Variants in MRTFB observed in about 807,000 individuals in gnomAD.
MRTFB encodes the protein myocardin related transcription factor B, also known as myocardin-related transcription factor B.
MRTFB carries 29 observed loss-of-function variants against 104.2 expected under a neutral mutation model. That is an observed-to-expected ratio of 0.28 (90% CI 0.21 to 0.38). The LOEUF (loss-of-function observed/expected upper bound fraction) is 0.38, where lower values mean the gene tolerates loss of function less well. MRTFB is among the 10% of genes least tolerant of loss of function. The probability of loss-of-function intolerance (pLI) is 1.00; values close to 1 mark genes in which losing one functional copy is unlikely to be tolerated. For missense variants in MRTFB, 1,270 were observed against 1,341.6 expected, an observed-to-expected ratio of 0.95 and a Z score of 0.83; for synonymous variants, 535 against 519.5, an observed-to-expected ratio of 1.03 and a Z score of -0.41.
the MRTFB span, among the ~76,000 whole-genome samples, chr16:14,048,877 C>T: frequency 3.9e-5 from 6 of 152,318 alleles, no homozygotes; most frequent in South Asian, 1.0e-3. Flanking sequence ...TATGCAGAGC[C>T]AGGCATGTGG....
At chr16:14,200,898 T>C in intron 3 of MRTFB, 1 of 1,451,014 alleles carries the variant, frequency 6.9e-7, no homozygotes, top group East Asian at 2.3e-5. Context: ...GCAGAAAGAA[T>C]TTAACCAGCA....
At position 14,120,546 on chromosome 16, in the gene MRTFB, A is replaced by G. The variant is rs76166067; in HGVS notation, c.-63-19998A>G. Among the ~76,000 whole-genome samples the G allele has an allele frequency of 8.3e-3, 1,267 of 152,328 alleles. 16 individuals are homozygous for G. Among genetic ancestry groups the G allele is most frequent in the African/African-American group, 0.029 (1,222 of 41,576 alleles). On this transcript the variant is annotated intron_variant, in intron 2 of 16. Coordinates refer to ENST00000571589, the MANE Select transcript of MRTFB (RefSeq NM_001308142.2). ...CCAGTGTCACTGATTGCATAGTCTT[A>G]TCTTTTTCCCCACTGATTTGTGATG...
At chr16:14,041,719 G>C in the MRTFB span, among the ~76,000 whole-genome samples, 1 of 152,040 alleles carries the variant, frequency 6.6e-6, no homozygotes, top group East Asian at 1.9e-4. Context: ...CTCATGTCAG[G>C]AGTTTGAGAC....
the MRTFB span, among the ~76,000 whole-genome samples, chr16:14,010,590 C>T: frequency 1.3e-5 from 2 of 152,120 alleles, no homozygotes; most frequent in African/African-American, 4.8e-5. Flanking sequence ...TGCGTGCCAC[C>T]ATGCCTGGCT....
At chr16:14,089,598 A>G (rs1232681383) in intron 2 of MRTFB, among the ~76,000 whole-genome samples, 2 of 152,218 alleles carry the variant, frequency 1.3e-5, no homozygotes, top group African/African-American at 4.8e-5. Context: ...ATTTGCATAT[A>G]AATTTTCTAG....
intron 3 of MRTFB, among the ~76,000 whole-genome samples, chr16:14,145,443 G>A (rs867538285): frequency 3.3e-5 from 5 of 152,130 alleles, no homozygotes; most frequent in Middle Eastern, 3.2e-3. Flanking sequence ...TGAAGTTGAC[G>A]TTTAATGATT....
At chr16:14,136,323 T>C (rs2037717973) in intron 2 of MRTFB, among the ~76,000 whole-genome samples, 1 of 151,780 alleles carries the variant, frequency 6.6e-6, no homozygotes, top group Non-Finnish European at 1.5e-5. Flanking sequence ...TACCTACTTA[T>C]CCTACTTATG....
the MRTFB span, among the ~76,000 whole-genome samples, chr16:14,055,632 G>A: frequency 2.6e-5 from 4 of 152,250 alleles, no homozygotes; most frequent in East Asian, 1.9e-4. Flanking sequence ...ATGATTAGAC[G>A]GAGGTTATGG....
chr16:14,244,037 C>T (rs930346968), intron 10 of MRTFB, among the ~76,000 whole-genome samples: 6 of 152,034 alleles, frequency 3.9e-5, no homozygotes, highest in African/African-American at 1.5e-4. Context: ...GCCACCACGC[C>T]TGGCTAATTT....
chr16:14,150,093 G>A (rs2038537238), intron 3 of MRTFB, among the ~76,000 whole-genome samples: 2 of 152,080 alleles, frequency 1.3e-5, no homozygotes, highest in Non-Finnish European at 2.9e-5. Context: ...CATGATGGAG[G>A]CACCAACTTT....
chr16:14,117,809 A>G (rs1177669632), intron 2 of MRTFB, among the ~76,000 whole-genome samples: 2 of 152,216 alleles, frequency 1.3e-5, no homozygotes, highest in Non-Finnish European at 2.9e-5. Context: ...AAAAAAAGTT[A>G]GAAAATCAGG....
intron 2 of MRTFB, among the ~76,000 whole-genome samples, chr16:14,094,765 G>C (rs1234058456): frequency 6.6e-6 from 1 of 152,178 alleles, no homozygotes; most frequent in South Asian, 2.1e-4. Flanking sequence ...TTTGGTCAGG[G>C]AATAGTGGAA....
intron 2 of MRTFB, among the ~76,000 whole-genome samples, chr16:14,131,856 T>G (rs1482122435): frequency 3.3e-5 from 5 of 152,106 alleles, no homozygotes; most frequent in Non-Finnish European, 7.4e-5. Flanking sequence ...ATAGTCACTG[T>G]GGACAGCAGT....
intron 3 of MRTFB, among the ~76,000 whole-genome samples, chr16:14,165,520 C>T (rs1394266765): frequency 1.3e-5 from 2 of 152,190 alleles, no homozygotes; most frequent in African/African-American, 2.4e-5. Flanking sequence ...GCCGCCTTTG[C>T]CTTCTGTACC....
chr16:14,159,929 CAAA>C (rs552159164), intron 3 of MRTFB, among the ~76,000 whole-genome samples: 4 of 55,630 alleles, frequency 7.2e-5, no homozygotes, highest in African/African-American at 2.1e-4. Flanking sequence ...GACTCCGTCT[CAAA>C]AAAAAAAAAA....
chr16:14,038,681 C>T, the MRTFB span, among the ~76,000 whole-genome samples: 1 of 152,134 alleles, frequency 6.6e-6, no homozygotes, highest in Non-Finnish European at 1.5e-5. Flanking sequence ...TGGCTTCAAC[C>T]AATACACAGT....
the MRTFB span, among the ~76,000 whole-genome samples, chr16:14,048,535 C>A: frequency 6.6e-6 from 1 of 152,048 alleles, no homozygotes; most frequent in East Asian, 1.9e-4. Flanking sequence ...GGCAGTGAGG[C>A]AAATCCAGAC....
At chr16:14,165,033 T>C (rs2053784048) in intron 3 of MRTFB, among the ~76,000 whole-genome samples, 2 of 152,122 alleles carry the variant, frequency 1.3e-5, no homozygotes, top group African/African-American at 4.8e-5. Context: ...TAGCACTTTT[T>C]TCCAGGCCAA....
At chr16:14,080,884 A>G (rs1309413844) in intron 2 of MRTFB, among the ~76,000 whole-genome samples, 1 of 152,170 alleles carries the variant, frequency 6.6e-6, no homozygotes, top group Non-Finnish European at 1.5e-5. Flanking sequence ...TATATACCAC[A>G]TTTTCGTTAT....
Sources: gnomAD v4.1 joint callset for allele counts (sites outside exome capture counted in the v4.1 genomes callset) on GRCh38, gnomAD v4.1.1 for gene constraint, MANE v1.5 for transcripts, NCBI Gene and HGNC (gene_info 2026-07-23, HGNC 2026-07-21) for gene names.